The following TCF7L1 variants were observed in gnomAD, a reference collection of about 807,000 sequenced individuals.
TCF7L1 encodes the protein transcription factor 7-like 1.
TCF7L1 carries 18 observed loss-of-function variants against 63.7 expected under a neutral mutation model. That is an observed-to-expected ratio of 0.28 (90% CI 0.20 to 0.42). The LOEUF is 0.42. Ranked by LOEUF, TCF7L1 falls within the 10% of genes least tolerant of loss-of-function variation. TCF7L1 has a pLI of 1.00. For synonymous variants in TCF7L1, 355 were observed against 340.9 expected (o/e 1.04, Z -0.46); for missense variants, 654 against 779.3 (o/e 0.84, Z 1.91).
intron 3 of TCF7L1, chr2:85,217,319 G>A (rs923785259): frequency 6.6e-6 from 1 of 152,210 alleles, no homozygotes; most frequent in Non-Finnish European, 1.5e-5. Context: ...GAAGCACTCT[G>A]AGAAACAGAA....
At chr2:85,212,049 CGCT>C in intron 3 of TCF7L1, among the ~76,000 whole-genome samples, 1 of 145,354 alleles carries the variant, frequency 6.9e-6, no homozygotes, top group Middle Eastern at 3.6e-3. Context: ...GAGATCACGC[CGCT>C]GCACTCCAGC....
intron 3 of TCF7L1, among the ~76,000 whole-genome samples, chr2:85,236,394 C>T (rs931132310): frequency 6.6e-5 from 10 of 152,296 alleles, no homozygotes; most frequent in African/African-American, 2.4e-4. Context: ...CAGGTCCATA[C>T]TTCCCCCGTT....
At chr2:85,152,347 G>A (rs1485613226) in intron 3 of TCF7L1, among the ~76,000 whole-genome samples, 1 of 152,102 alleles carries the variant, frequency 6.6e-6, no homozygotes, top group Admixed American at 6.6e-5. Flanking sequence ...CAGTTCTGTA[G>A]CGACTAGAGG....
chr2:85,142,452 GTGTGTGTGTGTGT>G (rs1167566917), intron 3 of TCF7L1, among the ~76,000 whole-genome samples: 10 of 78,662 alleles, frequency 1.3e-4, no homozygotes, highest in Non-Finnish European at 2.0e-4. Context: ...GTGTGTGTGT[GTGTGTGTGTGTGT>G]TGTGTGTATA....
At chr2:85,196,263 T>A (rs1004418399) in intron 3 of TCF7L1, among the ~76,000 whole-genome samples, 4 of 152,344 alleles carry the variant, frequency 2.6e-5, no homozygotes, top group African/African-American at 9.6e-5. Flanking sequence ...ATAAACGATG[T>A]CATTCTTCTT....
intron 3 of TCF7L1, among the ~76,000 whole-genome samples, chr2:85,201,315 A>C (rs1373176618): frequency 1.3e-5 from 2 of 152,246 alleles, no homozygotes; most frequent in South Asian, 4.1e-4. Flanking sequence ...TTCTCTGACT[A>C]TAAATGGTGC....
chr2:85,297,170 G>C (rs371454355), intron 4 of TCF7L1, among the ~76,000 whole-genome samples: 1 of 152,304 alleles, frequency 6.6e-6, no homozygotes, highest in African/African-American at 2.4e-5. Flanking sequence ...GTAAGGAAAG[G>C]CTTATCCCAA....
intron 3 of TCF7L1, among the ~76,000 whole-genome samples, chr2:85,209,896 A>C (rs760987064): frequency 6.6e-6 from 1 of 152,190 alleles, no homozygotes; most frequent in Non-Finnish European, 1.5e-5. Context: ...AGACAGGGAA[A>C]TCAGTTAGAA....
intron 3 of TCF7L1, among the ~76,000 whole-genome samples, chr2:85,211,117 C>G (rs1679530957): frequency 6.6e-6 from 1 of 152,204 alleles, no homozygotes; most frequent in Admixed American, 6.5e-5. Context: ...AAACAGTGGC[C>G]TGAGAGCTCT....
chr2:85,276,905 C>T (rs1199877542), intron 3 of TCF7L1, among the ~76,000 whole-genome samples: 6 of 152,104 alleles, frequency 3.9e-5, no homozygotes, highest in African/African-American at 1.4e-4. Context: ...CTCATGGAGG[C>T]TTCATGCCAG....
intron 3 of TCF7L1, among the ~76,000 whole-genome samples, chr2:85,149,320 T>A (rs1198999178): frequency 1.1e-5 from 1 of 89,416 alleles, no homozygotes; most frequent in Non-Finnish European, 2.3e-5. Flanking sequence ...TATATACACA[T>A]ATACACATAT....
rs187852704 is a variant in TCF7L1 at position 85,255,450 on chromosome 2, G to A, written c.442-28045G>A. Among the ~76,000 whole-genome samples, 5 of 152,286 alleles carry A rather than the reference G, an allele frequency of 3.3e-5. No individual in the cohort carries two copies. In the East Asian group the frequency reaches 9.7e-4, roughly 29 times the overall value. Reference sequence around the variant, plus strand: ...GAATAGGAAAATGGCTTTGATGTATGGAATCATGTCTACAAGCTGCTTCAG... The same window carrying A: ...GAATAGGAAAATGGCTTTGATGTATAGAATCATGTCTACAAGCTGCTTCAG... On this transcript the variant is annotated intron_variant, in intron 3 of 11. Coordinates refer to ENST00000282111, the MANE Select transcript of TCF7L1 (RefSeq NM_031283.3).
At chr2:85,175,582 T>C (rs1014881869) in intron 3 of TCF7L1, among the ~76,000 whole-genome samples, 1 of 152,204 alleles carries the variant, frequency 6.6e-6, no homozygotes, top group Admixed American at 6.5e-5. Flanking sequence ...CTGTTCTTTG[T>C]CCTCTTGTCA....
At chr2:85,253,694 T>G (rs7581133) in intron 3 of TCF7L1, among the ~76,000 whole-genome samples, 51,777 of 152,112 alleles carry the variant, frequency 0.34, 9,614 homozygotes, top group Non-Finnish European at 0.43. Context: ...TCCCTGTCCT[T>G]AAAAGAAATC....
chr2:85,193,824 GA>G (rs1369395331), intron 3 of TCF7L1, among the ~76,000 whole-genome samples: 1 of 152,198 alleles, frequency 6.6e-6, no homozygotes, highest in Non-Finnish European at 1.5e-5. Flanking sequence ...ATGGTTTGGG[GA>G]AAAATGCATA....
At chr2:85,276,750 T>G (rs1681280882) in intron 3 of TCF7L1, among the ~76,000 whole-genome samples, 2 of 152,122 alleles carry the variant, frequency 1.3e-5, no homozygotes, top group Admixed American at 1.3e-4. Context: ...CACATCATGA[T>G]TGCCGGGTTC....
At chr2:85,308,993 T>C in intron 11 of TCF7L1, 36 bp from the exon 12 acceptor site, 1 of 1,552,190 alleles carries the variant, frequency 6.4e-7, no homozygotes, top group Non-Finnish European at 8.7e-7. Context: ...CTCACAGAGC[T>C]ATAGCTGCTC....
Position 85,142,505 on chromosome 2 carries a change from C to T in TCF7L1, c.441+8055C>T, listed in dbSNP as rs994259451. Among the ~76,000 whole-genome samples, 3 of 149,502 alleles carry T rather than the reference C, an allele frequency of 2.0e-5. No individual in the cohort carries two copies. The East Asian group carries it at 5.8e-4, about 29-fold the overall frequency. On this transcript the variant is annotated intron_variant, in intron 3 of 11. Transcript: ENST00000282111. Reference sequence around the variant, plus strand: ...TAATATATATATATATATACACACACACACAACACAGACACAATTTGTGTG... The same window carrying T: ...TAATATATATATATATATACACACATACACAACACAGACACAATTTGTGTG...
chr2:85,134,141 G>C lies in TCF7L1; in HGVS notation c.313+62G>C. The C allele has an allele frequency of 1.3e-6, 2 of 1,580,044 alleles. No individual in the cohort carries two copies. Among genetic ancestry groups the C allele is most frequent in the East Asian group, 2.3e-5 (1 of 43,012 alleles). On this transcript the variant is annotated intron_variant, in intron 2 of 11. Transcript: ENST00000282111. The surrounding 1 kb of genome is among the most constrained non-coding windows in gnomAD (Gnocchi z 5.0). The stretch of plus-strand genomic sequence containing the variant: ...CCCGCTGCGCTCCGCTGCTCAGCCC[G>C]GGCGGCCCACCGTCCCCCTTGCTTG...
Sources: allele counts gnomAD v4.1 joint callset (sites outside exome capture counted in the v4.1 genomes callset), GRCh38; gene constraint gnomAD v4.1.1; non-coding constraint Gnocchi (gnomAD v3.1); transcripts MANE v1.5; gene names NCBI Gene and HGNC (gene_info 2026-07-23, HGNC 2026-07-21).